Variants in MAP7 observed in about 807,000 individuals in gnomAD.
MAP7 encodes the protein ensconsin.
Under a neutral mutation model 94.8 loss-of-function variants are expected in MAP7, and 52 were observed. That is an observed-to-expected ratio of 0.55 (90% CI 0.44 to 0.69). MAP7 has a LOEUF of 0.69. Ranked by LOEUF, MAP7 falls within the 30% of genes least tolerant of loss-of-function variation. The pLI is 0.00. For missense variants in MAP7, 940 were observed against 964.6 expected (o/e 0.97, Z 0.34); for synonymous variants, 350 against 357.0 (o/e 0.98, Z 0.22).
chr6:136,466,530 G>A (rs1481691312), intron 1 of MAP7, among the ~76,000 whole-genome samples: 1 of 151,736 alleles, frequency 6.6e-6, no homozygotes, highest in Non-Finnish European at 1.5e-5. Context: ...CATGAAGGTA[G>A]AAGTATAAAT....
chr6:136,506,025 GAA>G (rs1457105267), intron 1 of MAP7, among the ~76,000 whole-genome samples: 2 of 152,106 alleles, frequency 1.3e-5, no homozygotes, highest in Non-Finnish European at 1.5e-5. Context: ...TAAGCCTTGA[GAA>G]ATTTCTTTGT....
At position 136,389,477 on chromosome 6, in the gene MAP7, G is replaced by C. The variant is rs1363206081; in HGVS notation, c.285C>G (p.Ala95=). ...CCAGGTGCTTCTCGTAGTGCTGCCT[G>C]GCTCGCTCTTCTCTTTCTAACCACA... ...EIVWLEREER[A]RQHYEKHLEE... The change falls in exon 4 of 18, where the codon GCC becomes GCG. Residue 95 remains alanine, a synonymous_variant. Transcript: ENST00000354570. 1.9e-6 allele frequency: 3 copies of C among 1,610,238 alleles called. No homozygotes were observed. In the African/African-American group the frequency reaches 4.0e-5, roughly 22 times the overall value.
chr6:136,544,243 A>ATTTT lies in MAP7; in HGVS notation c.67+6095_67+6098dup. Among the ~76,000 whole-genome samples, 7 of 152,130 alleles carry ATTTT rather than the reference A, an allele frequency of 4.6e-5. No individual in the cohort carries two copies. The East Asian group carries it at 1.3e-3, about 29-fold the overall frequency. On this transcript the variant is annotated intron_variant, in intron 1 of 17. Transcript: ENST00000354570. ...GGACTGTACGCAAATTTTAGAATAG[A>ATTTT]TTTTTTAAAATCCCTCTGCCTATTC...
chr6:136,372,151 C>A (rs1774705621), intron 8 of MAP7, among the ~76,000 whole-genome samples: 1 of 152,202 alleles, frequency 6.6e-6, no homozygotes, highest in African/African-American at 2.4e-5. Context: ...CCCACTTCCC[C>A]TTCAAAGGCC....
intron 1 of MAP7, among the ~76,000 whole-genome samples, chr6:136,510,955 T>C (rs1823089663): frequency 6.6e-6 from 1 of 151,948 alleles, no homozygotes. Context: ...TGTGGGTACC[T>C]AGGGGAATTT....
At chr6:136,545,337 A>G (rs1006930611) in intron 1 of MAP7, 1 of 152,178 alleles carries the variant, frequency 6.6e-6, no homozygotes, top group East Asian at 1.9e-4. Flanking sequence ...AAAAAAATCA[A>G]TGGAAGAGAA....
intron 1 of MAP7, among the ~76,000 whole-genome samples, chr6:136,432,211 C>A (rs1488483368): frequency 6.6e-6 from 1 of 152,040 alleles, no homozygotes; most frequent in African/African-American, 2.4e-5. Flanking sequence ...AAAAAAAAAT[C>A]CCTAAACTGA....
chr6:136,504,066 T>C (rs1232218761), intron 1 of MAP7, among the ~76,000 whole-genome samples: 1 of 152,220 alleles, frequency 6.6e-6, no homozygotes, highest in Non-Finnish European at 1.5e-5. Flanking sequence ...TCACTTGGGA[T>C]GGGTATTTTA....
intron 1 of MAP7, among the ~76,000 whole-genome samples, chr6:136,444,074 T>C (rs142362844): frequency 1.7e-3 from 252 of 152,332 alleles, no homozygotes; most frequent in African/African-American, 5.7e-3. Flanking sequence ...TTCCTCACTT[T>C]TTAAGTCCAC....
chr6:136,391,645 C>CAAAAAAT (rs367889528), intron 3 of MAP7, among the ~76,000 whole-genome samples: 11,044 of 135,104 alleles, frequency 0.082, 947 homozygotes, highest in East Asian at 0.23. Flanking sequence ...TATAATCTCT[C>CAAAAAAT]AAAAAATAAA....
intron 1 of MAP7, among the ~76,000 whole-genome samples, chr6:136,501,701 C>T (rs1319447536): frequency 6.6e-6 from 1 of 152,060 alleles, no homozygotes; most frequent in Non-Finnish European, 1.5e-5. Flanking sequence ...AATGATCAGA[C>T]CACAGCATGA....
intron 1 of MAP7, among the ~76,000 whole-genome samples, chr6:136,448,832 T>A (rs1800140696): frequency 6.6e-6 from 1 of 152,078 alleles, no homozygotes; most frequent in South Asian, 2.1e-4. Flanking sequence ...TTTCTATCAG[T>A]TGCCAAGAAA....
At chr6:136,346,660 AATC>A (rs1185418135) in intron 16 of MAP7, among the ~76,000 whole-genome samples, 1 of 152,086 alleles carries the variant, frequency 6.6e-6, no homozygotes, top group African/African-American at 2.4e-5. Context: ...AATAGAAATA[AATC>A]ATCATCAGCA....
chr6:136,543,326 G>T (rs938655253), intron 1 of MAP7, among the ~76,000 whole-genome samples: 2 of 152,208 alleles, frequency 1.3e-5, no homozygotes, highest in Non-Finnish European at 2.9e-5. Context: ...AAAACATGAT[G>T]CCAGGTGAAA....
At chr6:136,487,339 T>C (rs925655261) in intron 1 of MAP7, among the ~76,000 whole-genome samples, 2 of 152,176 alleles carry the variant, frequency 1.3e-5, no homozygotes, top group Non-Finnish European at 2.9e-5. Context: ...GAATAATAAA[T>C]ACCAAAATGT....
intron 1 of MAP7, among the ~76,000 whole-genome samples, chr6:136,512,296 G>T (rs866128810): frequency 3.3e-5 from 5 of 152,242 alleles, no homozygotes; most frequent in Non-Finnish European, 7.3e-5. Context: ...GGACTAAGAG[G>T]TCTTGAATCA....
chr6:136,527,405 A>G (rs1034374560), intron 1 of MAP7, among the ~76,000 whole-genome samples: 7 of 151,932 alleles, frequency 4.6e-5, no homozygotes, highest in Non-Finnish European at 8.8e-5. Flanking sequence ...CAATCCTCCC[A>G]CTCCCCAACT....
rs1780021637 is a variant in MAP7 at position 136,389,298 on chromosome 6, T to C, written c.408+56A>G. The C allele has an allele frequency of 2.7e-6, 4 of 1,498,116 alleles. No homozygotes were observed. In the Admixed American group the frequency reaches 7.3e-5, roughly 27 times the overall value. 92.8% of individuals were successfully genotyped at this position (1,498,116 alleles called of 1,614,324 possible). Reference sequence around the variant, plus strand: ...CTGACTGCAAAGTTTCACAGAAAGTTTGCTGCATGTCTGAACTAGAGGAGC... The same window carrying C: ...CTGACTGCAAAGTTTCACAGAAAGTCTGCTGCATGTCTGAACTAGAGGAGC... On this transcript the variant is annotated intron_variant, in intron 4 of 17. Coordinates refer to ENST00000354570, the MANE Select transcript of MAP7 (RefSeq NM_003980.6).
At chr6:136,546,146 G>A (rs1466955785) in intron 1 of MAP7, among the ~76,000 whole-genome samples, 1 of 152,082 alleles carries the variant, frequency 6.6e-6, no homozygotes, top group Non-Finnish European at 1.5e-5. Flanking sequence ...CCAAAGAGCT[G>A]GAACTATAAG....
Sources: allele counts gnomAD v4.1 joint callset (sites outside exome capture counted in the v4.1 genomes callset), GRCh38; gene constraint gnomAD v4.1.1; transcripts MANE v1.5; gene names NCBI Gene and HGNC (gene_info 2026-07-23, HGNC 2026-07-21).